WWP1: variants seen among roughly 807,000 people sequenced by gnomAD.
WWP1 encodes WW domain containing E3 ubiquitin protein ligase 1.
Under a neutral mutation model 130.6 loss-of-function variants are expected in WWP1, and 49 were observed. That is an observed-to-expected ratio of 0.38 (90% CI 0.30 to 0.48). WWP1 has a LOEUF of 0.48. Among genes scored for constraint, WWP1 ranks in the 20% least tolerant of loss-of-function variants. WWP1 has a pLI of 0.99. For synonymous variants in WWP1, 332 were observed against 367.8 expected (o/e 0.90, Z 1.11); for missense variants, 809 against 1,100.6 (o/e 0.74, Z 3.75).
In WWP1 at chr8:86,427,736, C is replaced by A. The variant is rs143350413; in HGVS notation, c.1251C>A (p.Val417=). 2 of 1,614,014 alleles carry A rather than the reference C, an allele frequency of 1.2e-6. No homozygotes were observed. Among genetic ancestry groups the A allele is most frequent in the East Asian group, 2.2e-5 (1 of 44,866 alleles). ...TTWQRPTMES[V]RNFEQWQSQR... ...GGCAGCGGCCTACCATGGAATCTGT[C>A]CGAAATTTTGAACAGTGGCAATCTC... The change falls in exon 11 of 25, where the codon GTC becomes GTA. Residue 417 remains valine (V), a synonymous_variant. Transcript: ENST00000517970.
At chr8:86,432,616 T>G (rs532702320) in intron 14 of WWP1, among the ~76,000 whole-genome samples, 2 of 151,600 alleles carry the variant, frequency 1.3e-5, no homozygotes, top group African/African-American at 4.8e-5. Context: ...ATTTTTTTGT[T>G]TTTTTTTTGA....
intron 7 of WWP1, 116 bp downstream of exon 7, chr8:86,398,754 C>T: frequency 9.5e-7 from 1 of 1,047,180 alleles, no homozygotes; most frequent in Non-Finnish European, 1.4e-6. Flanking sequence ...AAGCTTATGT[C>T]TAAGCATGTC....
intron 8 of WWP1, 142 bp downstream of exon 8, chr8:86,402,345 G>T (rs1808038096): frequency 3.7e-6 from 4 of 1,069,002 alleles, no homozygotes. Flanking sequence ...GAGTGCAGTG[G>T]TGCGATCTCG....
intron 9 of WWP1, 30 bp from the exon 10 acceptor site, chr8:86,425,193 C>T (rs988329811): frequency 1.3e-6 from 2 of 1,575,464 alleles, no homozygotes; most frequent in African/African-American, 2.7e-5. Flanking sequence ...TGTGTTGTCT[C>T]TTACTGTTAT....
At chr8:86,343,440 C>T (rs1008679784) in intron 1 of WWP1, 2 of 129,226 alleles carry the variant, frequency 1.5e-5, no homozygotes, top group African/African-American at 2.9e-5. Context: ...GCCCCCCCAG[C>T]GCAACCCCCA....
chr8:86,347,839 C>T (rs1265449319), intron 1 of WWP1, among the ~76,000 whole-genome samples: 1 of 151,878 alleles, frequency 6.6e-6, no homozygotes, highest in East Asian at 1.9e-4. Flanking sequence ...ATCTAATTTC[C>T]AAAATATATA....
At chr8:86,356,676 A>G (rs1051704709) in intron 1 of WWP1, among the ~76,000 whole-genome samples, 4 of 152,148 alleles carry the variant, frequency 2.6e-5, no homozygotes, top group Non-Finnish European at 4.4e-5. Flanking sequence ...TAGGTTAAAA[A>G]TTGGAATAGT....
At chr8:86,452,309 C>T (rs1811216085) in intron 20 of WWP1, among the ~76,000 whole-genome samples, 1 of 152,080 alleles carries the variant, frequency 6.6e-6, no homozygotes, top group African/African-American at 2.4e-5. Context: ...TTTCTTTTTT[C>T]TGTGTTTTCC....
At chr8:86,400,804 A>G (rs772534932) in intron 7 of WWP1, among the ~76,000 whole-genome samples, 1 of 152,204 alleles carries the variant, frequency 6.6e-6, no homozygotes, top group Non-Finnish European at 1.5e-5. Context: ...TTGGAGAGAA[A>G]TAGGTTAGAG....
At chr8:86,419,976 C>G (rs1809106842) in intron 9 of WWP1, among the ~76,000 whole-genome samples, 2 of 152,162 alleles carry the variant, frequency 1.3e-5, no homozygotes, top group African/African-American at 4.8e-5. Context: ...AATTCTGTAT[C>G]CAGCCACACT....
At chr8:86,408,496 T>C (rs1808402151) in intron 8 of WWP1, among the ~76,000 whole-genome samples, 1 of 152,230 alleles carries the variant, frequency 6.6e-6, no homozygotes, top group African/African-American at 2.4e-5. Flanking sequence ...GTGCTTTGCA[T>C]CTCACCAACA....
intron 8 of WWP1, among the ~76,000 whole-genome samples, chr8:86,403,810 CTTAAT>C (rs1808133522): frequency 1.3e-5 from 2 of 150,106 alleles, no homozygotes; most frequent in East Asian, 2.0e-4. Context: ...ATTTTTTAGT[CTTAAT>C]TTAAGGTGGC....
At chr8:86,425,425 A>G (rs1026856575) in intron 10 of WWP1, 107 bp downstream of exon 10, 36 of 662,098 alleles carry the variant, frequency 5.4e-5, no homozygotes, top group Non-Finnish European at 7.1e-5. Context: ...CATATATTCA[A>G]TTTCTTTACA....
intron 7 of WWP1, 119 bp from the exon 8 acceptor site, chr8:86,401,900 T>A: frequency 1.9e-6 from 2 of 1,066,666 alleles, no homozygotes; most frequent in Non-Finnish European, 1.3e-6. Context: ...ATCTAAAAAA[T>A]TTTAAAAAAG....
chr8:86,345,789 G>A (rs1486551656), intron 1 of WWP1, among the ~76,000 whole-genome samples: 3 of 152,090 alleles, frequency 2.0e-5, no homozygotes, highest in East Asian at 1.9e-4. Flanking sequence ...GAGATATGCT[G>A]TATATATACA....
chr8:86,425,581 A>G (rs2130648142), intron 10 of WWP1, among the ~76,000 whole-genome samples: 1 of 152,228 alleles, frequency 6.6e-6, no homozygotes, highest in Middle Eastern at 3.4e-3. Flanking sequence ...AATTTTTTTA[A>G]GGAAAGAAAG....
Position 86,435,653 on chromosome 8 carries a change from T to C in WWP1, c.1698T>C (p.His566=), listed in dbSNP as rs376535570. The change falls in exon 16 of 25, where the codon CAT becomes CAC. Residue 566 remains histidine (H), a synonymous_variant. Transcript: ENST00000517970. The stretch of plus-strand genomic sequence containing the variant: ...TTTAGTCTAATGCACTACCTAGTCA[T>C]GTAAAGATCAATGTGTCCCGGCAGA... The part of the protein sequence containing the change: ...YLCQSNALPS[H]VKINVSRQTL... The C allele has an allele frequency of 1.9e-6, 3 of 1,613,120 alleles. No homozygotes were observed. The highest frequency in any genetic ancestry group is 1.3e-5 in the African/African-American group (1 of 74,884).
intron 3 of WWP1, among the ~76,000 whole-genome samples, chr8:86,377,287 G>A (rs889037444): frequency 6.7e-6 from 1 of 149,508 alleles, no homozygotes; most frequent in African/African-American, 2.5e-5. Context: ...CAGTAGATAC[G>A]GGGTTTCACC....
intron 14 of WWP1, among the ~76,000 whole-genome samples, chr8:86,434,690 A>G (rs1810190783): frequency 6.6e-6 from 1 of 152,182 alleles, no homozygotes; most frequent in South Asian, 2.1e-4. Flanking sequence ...AGCTCCACAA[A>G]ACAGGCATTT....
Sources: gnomAD v4.1 joint callset for allele counts (sites outside exome capture counted in the v4.1 genomes callset) on GRCh38, gnomAD v4.1.1 for gene constraint, MANE v1.5 for transcripts, NCBI Gene and HGNC (gene_info 2026-07-23, HGNC 2026-07-21) for gene names.